Variants in TRPM3 observed in about 807,000 individuals in gnomAD.
The protein encoded by TRPM3 is transient receptor potential cation channel subfamily M member 3, also known as long transient receptor potential channel 3.
TRPM3 carries 77 observed loss-of-function variants against 181.2 expected under a neutral mutation model. That is an observed-to-expected ratio of 0.42 (90% CI 0.35 to 0.51). The LOEUF is 0.51. Among genes scored for constraint, TRPM3 ranks in the 20% least tolerant of loss-of-function variants. The pLI, the probability that TRPM3 is intolerant of heterozygous loss-of-function variation, is 0.01. For synonymous variants in TRPM3, 745 were observed against 796.4 expected, an observed-to-expected ratio of 0.94 and a Z score of 1.09; for missense variants, 1,759 against 2,196.7, an observed-to-expected ratio of 0.80 and a Z score of 3.98.
intron 1 of TRPM3, among the ~76,000 whole-genome samples, chr9:70,966,635 A>G (rs2097188171): frequency 6.6e-6 from 1 of 152,106 alleles, no homozygotes; most frequent in African/African-American, 2.4e-5. Context: ...GCAAACTAAC[A>G]AAGGAATAGA....
upstream of TRPM3, among the ~76,000 whole-genome samples, chr9:71,123,466 C>A (rs961504160): frequency 2.0e-5 from 3 of 152,132 alleles, no homozygotes; most frequent in African/African-American, 7.2e-5. Flanking sequence ...ACTAAATAAG[C>A]TAATATTGGC....
chr9:70,808,791 T>A (rs1214350252), intron 6 of TRPM3, among the ~76,000 whole-genome samples: 7 of 152,314 alleles, frequency 4.6e-5, no homozygotes, highest in Admixed American at 2.0e-4. Context: ...ATTTGGTATT[T>A]GTGTTTTGGA....
intron 8 of TRPM3, among the ~76,000 whole-genome samples, chr9:70,753,772 A>T (rs753069937): frequency 6.6e-6 from 1 of 151,896 alleles, no homozygotes; most frequent in East Asian, 1.9e-4. Context: ...GTAGATTTTA[A>T]AGTCTTAGAT....
At chr9:70,549,234 G>T (rs1351089205) in intron 25 of TRPM3, among the ~76,000 whole-genome samples, 3 of 152,092 alleles carry the variant, frequency 2.0e-5, no homozygotes, top group South Asian at 2.1e-4. Context: ...TTTGGTTTTT[G>T]CCTGGAACAG....
chr9:71,063,980 G>C (rs1427386050), intron 1 of TRPM3, among the ~76,000 whole-genome samples: 2 of 151,984 alleles, frequency 1.3e-5, no homozygotes, highest in African/African-American at 4.8e-5. Flanking sequence ...AACATAGGAA[G>C]GGGAAAAACA....
chr9:71,282,392 G>GAAAGAAAGGA (rs1344802890), intron 1 of TRPM3, among the ~76,000 whole-genome samples: 2 of 122,958 alleles, frequency 1.6e-5, no homozygotes, highest in African/African-American at 7.9e-5. Flanking sequence ...AGAAAGGAAA[G>GAAAGAAAGGA]AAAGAAAGGA....
At chr9:71,220,946 T>TC (rs1481913267) in intron 1 of TRPM3, among the ~76,000 whole-genome samples, 4 of 152,034 alleles carry the variant, frequency 2.6e-5, no homozygotes, top group African/African-American at 9.7e-5. Context: ...CATGACTCTT[T>TC]CTTTTGGGGC....
chr9:71,163,877 G>A (rs377462116), intron 1 of TRPM3, among the ~76,000 whole-genome samples: 1 of 152,044 alleles, frequency 6.6e-6, no homozygotes, highest in East Asian at 1.9e-4. Context: ...GGTCAATAAA[G>A]AAAAAAGTAT....
chr9:71,241,354 G>A (rs1049344477), intron 1 of TRPM3, among the ~76,000 whole-genome samples: 1 of 152,022 alleles, frequency 6.6e-6, no homozygotes, highest in African/African-American at 2.4e-5. Flanking sequence ...CAAAAATTCA[G>A]TTGGTTCAAT....
chr9:71,021,506 G>C (rs774925368), intron 1 of TRPM3, among the ~76,000 whole-genome samples: 1 of 152,162 alleles, frequency 6.6e-6, no homozygotes, highest in African/African-American at 2.4e-5. Flanking sequence ...ATAGACAAGG[G>C]GTTGTTACTT....
chr9:71,011,548 T>G lies in TRPM3; in HGVS notation c.177+109630A>C, dbSNP rs561506502. Among the ~76,000 whole-genome samples the G allele has an allele frequency of 2.6e-3, 399 of 152,240 alleles. 2 individuals carry two copies. Among genetic ancestry groups the G allele is most frequent in the Non-Finnish European group, 4.5e-3 (303 of 67,986 alleles). ...CTTTTGTTATTTCATTTCCTATAAT[T>G]TTTAAGAAGTTCTTTATTAGGAAGA... On this transcript the variant is annotated intron_variant, in intron 1 of 25. Transcript: ENST00000677713.
At chr9:71,066,179 T>C (rs1387082118) in intron 1 of TRPM3, among the ~76,000 whole-genome samples, 1 of 152,200 alleles carries the variant, frequency 6.6e-6, no homozygotes, top group African/African-American at 2.4e-5. Flanking sequence ...ACTTTACAGT[T>C]ATAAATTCTA....
intron 1 of TRPM3, among the ~76,000 whole-genome samples, chr9:70,887,643 T>G (rs2096113833): frequency 6.6e-6 from 1 of 152,204 alleles, no homozygotes; most frequent in Non-Finnish European, 1.5e-5. Flanking sequence ...TGATTCTTCT[T>G]ATTTATGTTA....
At chr9:71,235,975 A>G (rs1296774045) in intron 1 of TRPM3, among the ~76,000 whole-genome samples, 1 of 152,200 alleles carries the variant, frequency 6.6e-6, no homozygotes. Flanking sequence ...TTGTACATTA[A>G]TTTCTTACCT....
chr9:71,190,915 A>C (rs534893630), intron 1 of TRPM3, among the ~76,000 whole-genome samples: 1 of 151,994 alleles, frequency 6.6e-6, no homozygotes, highest in South Asian at 2.1e-4. Context: ...AAAACACTCT[A>C]GTGAAATCTC....
intron 8 of TRPM3, among the ~76,000 whole-genome samples, chr9:70,697,930 G>A (rs1200859992): frequency 2.6e-5 from 4 of 152,102 alleles, no homozygotes; most frequent in African/African-American, 9.7e-5. Flanking sequence ...GTTTCCTTGT[G>A]GCTGGGCTGG....
chr9:70,980,762 T>C (rs1403254933), intron 1 of TRPM3, among the ~76,000 whole-genome samples: 1 of 152,094 alleles, frequency 6.6e-6, no homozygotes, highest in Non-Finnish European at 1.5e-5. Flanking sequence ...AGGACAGAGG[T>C]GATCAACTGA....
intron 1 of TRPM3, among the ~76,000 whole-genome samples, chr9:71,143,235 A>G (rs2075223656): frequency 6.6e-6 from 1 of 152,070 alleles, no homozygotes; most frequent in Non-Finnish European, 1.5e-5. Flanking sequence ...AGTTTGTTAC[A>G]CAGGTAAACT....
At chr9:71,033,320 T>C (rs937051407) in intron 1 of TRPM3, among the ~76,000 whole-genome samples, 1 of 152,242 alleles carries the variant, frequency 6.6e-6, no homozygotes, top group Non-Finnish European at 1.5e-5. Context: ...GCCAGCACAG[T>C]ACTTCTTCAC....
Sources: allele counts gnomAD v4.1 joint callset (sites outside exome capture counted in the v4.1 genomes callset), GRCh38; gene constraint gnomAD v4.1.1; transcripts MANE v1.5; gene names NCBI Gene and HGNC (gene_info 2026-07-23, HGNC 2026-07-21).